Variants in KCNMB2 observed in about 807,000 individuals in gnomAD.
KCNMB2 encodes the protein calcium-activated potassium channel subunit beta-2.
Under a neutral mutation model 24.5 loss-of-function variants are expected in KCNMB2, and 9 were observed. The observed-to-expected ratio is 0.37, with a 90% confidence interval of 0.22 to 0.64. The LOEUF is 0.64. Ranked by LOEUF, KCNMB2 falls within the 30% of genes least tolerant of loss-of-function variation. The pLI is 0.63. For missense variants in KCNMB2, 226 were observed against 284.3 expected, an observed-to-expected ratio of 0.79 and a Z score of 1.47; for synonymous variants, 109 against 104.4, an observed-to-expected ratio of 1.04 and a Z score of -0.27.
At chr3:178,816,109 C>T (rs747072567) in intron 2 of KCNMB2, among the ~76,000 whole-genome samples, 1 of 151,816 alleles carries the variant, frequency 6.6e-6, no homozygotes, top group Non-Finnish European at 1.5e-5. Context: ...TATAAATCAT[C>T]AGAGACTACT....
chr3:178,555,065 G>A (rs758604783), intron 1 of KCNMB2, among the ~76,000 whole-genome samples: 4 of 150,334 alleles, frequency 2.7e-5, no homozygotes, highest in African/African-American at 4.9e-5. Context: ...GATAGAAATG[G>A]TGGTCTGACA....
intron 1 of KCNMB2, among the ~76,000 whole-genome samples, chr3:178,573,746 CAAAAAAA>C (rs11348394): frequency 6.3e-5 from 5 of 78,986 alleles, no homozygotes; most frequent in Non-Finnish European, 7.0e-5. Context: ...GACCCTGTCT[CAAAAAAA>C]AAAAAAAAAA....
At chr3:178,763,456 G>A (rs922249265) in intron 1 of KCNMB2, among the ~76,000 whole-genome samples, 1 of 152,104 alleles carries the variant, frequency 6.6e-6, no homozygotes. Flanking sequence ...ATTTAGATGA[G>A]GAGAAAAGCA....
At chr3:178,794,297 C>T (rs950367081) in intron 1 of KCNMB2, among the ~76,000 whole-genome samples, 1 of 152,098 alleles carries the variant, frequency 6.6e-6, no homozygotes, top group Admixed American at 6.6e-5. Flanking sequence ...AAGTTTTTGC[C>T]TCCCTAACCT....
chr3:178,666,563 C>A (rs1720725232), intron 1 of KCNMB2, among the ~76,000 whole-genome samples: 1 of 152,112 alleles, frequency 6.6e-6, no homozygotes. Flanking sequence ...AGTATGTCAA[C>A]AAAATGCTGA....
chr3:178,735,417 A>G (rs1723284213), intron 1 of KCNMB2, among the ~76,000 whole-genome samples: 2 of 152,256 alleles, frequency 1.3e-5, no homozygotes, highest in Admixed American at 1.3e-4. Context: ...CTATAAATAG[A>G]GCAGATTATC....
intron 1 of KCNMB2, among the ~76,000 whole-genome samples, chr3:178,744,585 C>A (rs531604110): frequency 6.6e-6 from 1 of 152,288 alleles, no homozygotes; most frequent in African/African-American, 2.4e-5. Context: ...CTTTGACAAA[C>A]CTTGTTTCTT....
intron 2 of KCNMB2, among the ~76,000 whole-genome samples, chr3:178,814,432 G>A (rs899692293): frequency 6.6e-6 from 1 of 152,120 alleles, no homozygotes; most frequent in African/African-American, 2.4e-5. Context: ...AAACATATGA[G>A]TGCAGATATT....
At chr3:178,765,046 G>A (rs1350986022) in intron 1 of KCNMB2, among the ~76,000 whole-genome samples, 1 of 152,168 alleles carries the variant, frequency 6.6e-6, no homozygotes, top group Non-Finnish European at 1.5e-5. Context: ...AATGAATAAC[G>A]TAGTATGGGA....
intron 1 of KCNMB2, among the ~76,000 whole-genome samples, chr3:178,694,250 G>C (rs73046000): frequency 6.6e-6 from 1 of 152,092 alleles, no homozygotes; most frequent in Non-Finnish European, 1.5e-5. Flanking sequence ...GGGGGAAACC[G>C]CACCCCTGAT....
chr3:178,726,878 A>G (rs1322256349), intron 1 of KCNMB2, among the ~76,000 whole-genome samples: 1 of 152,174 alleles, frequency 6.6e-6, no homozygotes, highest in African/African-American at 2.4e-5. Context: ...CCCATAATTT[A>G]TTGAAAAGAT....
intron 1 of KCNMB2, among the ~76,000 whole-genome samples, chr3:178,758,034 AT>A: frequency 5.6e-4 from 1 of 1,782 alleles, no homozygotes; most frequent in Non-Finnish European, 1.4e-3. Context: ...GAGGATATAT[AT>A]ATATATCTAG....
chr3:178,804,510 G>A lies in KCNMB2; in HGVS notation c.-67-2833G>A, dbSNP rs151143823. Reference sequence around the variant, plus strand: ...TCCACTTATTGGAATAAACTGAGGAGTCACTAAGTCCTTTCCAACAAGATT... The same window carrying A: ...TCCACTTATTGGAATAAACTGAGGAATCACTAAGTCCTTTCCAACAAGATT... On this transcript the variant is annotated intron_variant, in intron 1 of 4. Coordinates refer to ENST00000452583, the MANE Select transcript of KCNMB2 (RefSeq NM_181361.3). 3.2e-3 allele frequency among the ~76,000 whole-genome samples: 491 copies of A among 152,296 alleles called. 3 individuals are homozygous for A. The highest frequency in any genetic ancestry group is 0.011 in the African/African-American group (475 of 41,568).
intron 1 of KCNMB2, among the ~76,000 whole-genome samples, chr3:178,562,460 A>G (rs115088958): frequency 0.022 from 3,356 of 152,300 alleles, 114 homozygotes; most frequent in African/African-American, 0.077. Flanking sequence ...CAGATAAGAA[A>G]GTAGAGAAGA....
chr3:178,559,513 TA>T (rs1020759761), intron 1 of KCNMB2, among the ~76,000 whole-genome samples: 24 of 151,752 alleles, frequency 1.6e-4, no homozygotes, highest in African/African-American at 5.8e-4. Flanking sequence ...GATGACTCTA[TA>T]AAAAAAGTAT....
chr3:178,740,367 G>A (rs189991124), intron 1 of KCNMB2, among the ~76,000 whole-genome samples: 36 of 152,016 alleles, frequency 2.4e-4, no homozygotes, highest in Admixed American at 1.4e-3. Context: ...TGATCTGCCC[G>A]CCTCAGCCTC....
At chr3:178,769,719 C>T (rs545481339) in intron 1 of KCNMB2, among the ~76,000 whole-genome samples, 26 of 152,224 alleles carry the variant, frequency 1.7e-4, no homozygotes, top group African/African-American at 5.8e-4. Flanking sequence ...CTGTTTCTAA[C>T]GTTTATCTGG....
intron 1 of KCNMB2, among the ~76,000 whole-genome samples, chr3:178,678,141 G>A (rs1207405781): frequency 6.6e-6 from 1 of 152,200 alleles, no homozygotes; most frequent in Admixed American, 6.5e-5. Context: ...ACAGGAGGGT[G>A]AGCTAGTCAG....
At chr3:178,746,078 G>A (rs1723656611) in intron 1 of KCNMB2, among the ~76,000 whole-genome samples, 1 of 152,208 alleles carries the variant, frequency 6.6e-6, no homozygotes, top group South Asian at 2.1e-4. Flanking sequence ...TAGGGACTCT[G>A]TGTGGTGGCT....
Sources: gnomAD v4.1 joint callset for allele counts (sites outside exome capture counted in the v4.1 genomes callset) on GRCh38, gnomAD v4.1.1 for gene constraint, MANE v1.5 for transcripts, NCBI Gene and HGNC (gene_info 2026-07-23, HGNC 2026-07-21) for gene names.